Variants in TAF6L observed in about 807,000 individuals in gnomAD.
TAF6L encodes the protein TATA-box binding protein associated factor 6 like.
Under a neutral mutation model 57.3 loss-of-function variants are expected in TAF6L, and 34 were observed. The ratio of observed to expected loss-of-function variants is 0.59; its 90% CI spans 0.45 to 0.79. The LOEUF is 0.79. Ranked by LOEUF, TAF6L falls within the 30% of genes least tolerant of loss-of-function variation. The pLI, the probability that TAF6L is intolerant of heterozygous loss-of-function variation, is 0.00. For synonymous variants in TAF6L, 417 were observed against 376.3 expected, an observed-to-expected ratio of 1.11 and a Z score of -1.25; for missense variants, 782 against 853.2, an observed-to-expected ratio of 0.92 and a Z score of 1.04.
chr11:62,786,139 A>C, intron 9 of TAF6L, 121 bp from the exon 10 acceptor site: 2 of 1,246,080 alleles, frequency 1.6e-6, no homozygotes, highest in South Asian at 1.6e-5. Context: ...CAATCAGGGA[A>C]TTTAGGAGGA....
chr11:62,774,739 CCCAGCTACTAT>C (rs1406630563), intron 1 of TAF6L: 4 of 444,698 alleles, frequency 9.0e-6, no homozygotes, highest in African/African-American at 2.0e-5. Flanking sequence ...AGGCAGAAAG[CCCAGCTACTAT>C]CCAGCCTGGC....
intron 6 of TAF6L, among the ~76,000 whole-genome samples, chr11:62,781,215 G>T (rs1326247613): frequency 7.4e-5 from 11 of 149,456 alleles, no homozygotes; most frequent in Admixed American, 7.3e-4. Context: ...CAGCCTGGGC[G>T]ACAGGGCGAG....
rs1376830374 is a variant in TAF6L at position 62,786,519 on chromosome 11, G to A, written c.1092G>A (p.Val364=). 1 of 1,555,582 alleles carries A rather than the reference G, an allele frequency of 6.4e-7. No individual in the cohort carries two copies. Among genetic ancestry groups the A allele is most frequent in the South Asian group, 1.2e-5 (1 of 82,482 alleles). Residue 364 remains valine, a splice_region_variant and synonymous_variant, in exon 11 of 11, where the codon GTG becomes GTA. Transcript: ENST00000294168. ...ATCTTAGTCCTTGGCTCTTACAGGT[G>A]GCGGTAGAGCGACTGCTGAAGATGA... ...DGHKVYGAIL[V]AVERLLKMKA...
chr11:62,775,062 CAAA>C (rs35218634), intron 1 of TAF6L, among the ~76,000 whole-genome samples: 3 of 62,788 alleles, frequency 4.8e-5, no homozygotes, highest in Admixed American at 1.9e-4. Flanking sequence ...GACTCTGTCT[CAAA>C]AAAAAAAAAA....
chr11:62,773,728 G>A (rs1444372302), intron 1 of TAF6L, among the ~76,000 whole-genome samples: 3 of 152,294 alleles, frequency 2.0e-5, no homozygotes, highest in Middle Eastern at 6.8e-3. Context: ...GATTAGAGGC[G>A]TGAGCCACTG....
Position 62,777,967 on chromosome 11 carries a change from T to A in TAF6L, c.235-11T>A. The A allele has an allele frequency of 6.2e-7, 1 of 1,613,222 alleles. No individual in the cohort carries two copies. Among genetic ancestry groups the A allele is most frequent in the Non-Finnish European group, 8.5e-7 (1 of 1,179,440 alleles). On this transcript the variant is annotated splice_polypyrimidine_tract_variant and intron_variant, in intron 3 of 10. Transcript: ENST00000294168. ...GGATTCAGGCTGCTCTCCAATTCCC[T>A]TTTTCCTCAGGCTGTGTGTGGTTAC... is the stretch of plus-strand genomic sequence containing the variant.
At chr11:62,782,915 G>A in intron 9 of TAF6L, 90 bp downstream of exon 9, 2 of 1,543,804 alleles carry the variant, frequency 1.3e-6, no homozygotes, top group Non-Finnish European at 1.8e-6. Context: ...CCAAAATAGT[G>A]TGTGCCTGCC....
At position 62,776,456 on chromosome 11, in the gene TAF6L, T is replaced by C. The variant is rs748698777; in HGVS notation, c.220T>C (p.Trp74Arg). 1.9e-6 allele frequency: 3 copies of C among 1,613,448 alleles called. No individual in the cohort carries two copies. Among genetic ancestry groups the C allele is most frequent in the Admixed American group, 1.7e-5 (1 of 59,966 alleles). ...TVEDFNRALRWSSVEAVCGYG... is the reference protein window; with the variant it reads ...TVEDFNRALRRSSVEAVCGYG... ...TGAGGACTTCAACAGGGCCCTCAGA[T>C]GGAGCAGCGTGGAGGTGAGTGGGGT... The change falls in exon 3 of 11, where the codon TGG becomes CGG. Residue 74 changes from tryptophan to arginine, a missense_variant. This residue lies in a region of TAF6L where 220 missense variants were observed against 252.1 expected (regional missense o/e 0.87). Transcript: ENST00000294168.
chr11:62,779,683 T>A (rs2084213086), intron 6 of TAF6L, among the ~76,000 whole-genome samples: 3 of 151,562 alleles, frequency 2.0e-5, no homozygotes, highest in South Asian at 2.1e-4. Context: ...ACATTTTTTT[T>A]AAGATGGGGT....
intron 5 of TAF6L, 50 bp downstream of exon 5, chr11:62,778,385 G>C (rs1376395532): frequency 6.2e-7 from 1 of 1,607,248 alleles, no homozygotes. Flanking sequence ...TTCTCCCTTA[G>C]GTTCTGAGGG....
intron 1 of TAF6L, among the ~76,000 whole-genome samples, chr11:62,775,203 TAGG>T (rs1216911487): frequency 6.6e-6 from 1 of 152,094 alleles, no homozygotes; most frequent in African/African-American, 2.4e-5. Context: ...TGGCTGCAGC[TAGG>T]AGAAGTGCCG....
At chr11:62,779,018 T>C in intron 6 of TAF6L, 55 bp downstream of exon 6, 20 of 1,313,706 alleles carry the variant, frequency 1.5e-5, no homozygotes, top group Non-Finnish European at 2.0e-5. Context: ...ATTCTAGACC[T>C]GTTTTTTTTT....
intron 9 of TAF6L, among the ~76,000 whole-genome samples, chr11:62,783,291 G>A (rs1402190328): frequency 6.6e-6 from 1 of 152,102 alleles, no homozygotes; most frequent in East Asian, 1.9e-4. Flanking sequence ...AACCATCCTG[G>A]CTAACACGGT....
intron 1 of TAF6L, among the ~76,000 whole-genome samples, chr11:62,774,143 C>G (rs567048680): frequency 5.3e-5 from 8 of 151,870 alleles, no homozygotes; most frequent in Admixed American, 3.3e-4. Flanking sequence ...GTGGCGTGAT[C>G]TCGGCTCACT....
intron 6 of TAF6L, 87 bp downstream of exon 6, chr11:62,779,050 C>T (rs1441795712): frequency 2.3e-4 from 260 of 1,150,076 alleles, no homozygotes; most frequent in Non-Finnish European, 2.9e-4. Context: ...GACAGAGTTT[C>T]GCTCTTGTTG....
intron 6 of TAF6L, among the ~76,000 whole-genome samples, chr11:62,781,455 C>G (rs529592189): frequency 6.6e-6 from 1 of 151,886 alleles, no homozygotes; most frequent in African/African-American, 2.4e-5. Context: ...GGGCAGATCA[C>G]GAGGTCAGGA....
At chr11:62,781,857 C>G (rs767208601) in intron 6 of TAF6L, 37 bp from the exon 7 acceptor site, 1 of 1,582,906 alleles carries the variant, frequency 6.3e-7, no homozygotes, top group Admixed American at 1.7e-5. Flanking sequence ...TTACAATTTT[C>G]TGGTGGATCC....
intron 6 of TAF6L, among the ~76,000 whole-genome samples, chr11:62,779,952 C>CTACATATATA (rs1554996873): frequency 2.0e-5 from 2 of 100,054 alleles, no homozygotes; most frequent in Non-Finnish European, 3.7e-5. Context: ...AGGCGTGAGC[C>CTACATATATA]TATATATATA....
At chr11:62,781,474 C>T (rs1184385936) in intron 6 of TAF6L, among the ~76,000 whole-genome samples, 1 of 151,758 alleles carries the variant, frequency 6.6e-6, no homozygotes, top group Non-Finnish European at 1.5e-5. Flanking sequence ...GAGATCGCGA[C>T]CATCCTGGCT....
Sources: allele counts gnomAD v4.1 joint callset (sites outside exome capture counted in the v4.1 genomes callset), GRCh38; gene constraint gnomAD v4.1.1; regional missense constraint gnomAD v4.1.1; transcripts MANE v1.5; gene names NCBI Gene and HGNC (gene_info 2026-07-23, HGNC 2026-07-21).